CSGALNACT1: variants seen among roughly 807,000 people sequenced by gnomAD.
CSGALNACT1 encodes the protein beta4GalNAcT-1.
A neutral mutation model predicts 51.0 loss-of-function variants in CSGALNACT1; 52 were observed. The ratio of observed to expected loss-of-function variants is 1.02; its 90% confidence interval spans 0.82 to 1.29. CSGALNACT1 has a LOEUF of 1.29. Ranked by LOEUF, CSGALNACT1 falls within the 50% of genes most tolerant of loss-of-function variation. CSGALNACT1 has a pLI of 0.00. For synonymous variants in CSGALNACT1, 341 were observed against 254.4 expected (o/e 1.34, Z -3.24); for missense variants, 935 against 679.2 (o/e 1.38, Z -4.19).
At chr8:19,478,369 G>A (rs569964916) in intron 4 of CSGALNACT1, among the ~76,000 whole-genome samples, 8 of 133,246 alleles carry the variant, frequency 6.0e-5, no homozygotes, top group South Asian at 2.4e-4. Flanking sequence ...AGCCGAGATC[G>A]CACCACTGCA....
chr8:19,476,819 G>T (rs1451187414), intron 4 of CSGALNACT1, among the ~76,000 whole-genome samples: 1 of 152,186 alleles, frequency 6.6e-6, no homozygotes, highest in Non-Finnish European at 1.5e-5. Flanking sequence ...TGTCACAGCA[G>T]TCCAGATGCC....
At chr8:19,468,343 C>T (rs557408979) in intron 4 of CSGALNACT1, among the ~76,000 whole-genome samples, 28 of 152,236 alleles carry the variant, frequency 1.8e-4, no homozygotes, top group Admixed American at 8.5e-4. Flanking sequence ...CAGGCAGACA[C>T]GAATGGGGGG....
chr8:19,408,913 C>T (rs185628860), intron 8 of CSGALNACT1, among the ~76,000 whole-genome samples: 1 of 144,482 alleles, frequency 6.9e-6, no homozygotes, highest in Non-Finnish European at 1.5e-5. Context: ...ATTTTTGGCA[C>T]CTCTGGCTGG....
intron 3 of CSGALNACT1, among the ~76,000 whole-genome samples, chr8:19,537,015 C>T (rs1424694852): frequency 2.0e-5 from 3 of 152,276 alleles, no homozygotes; most frequent in Admixed American, 1.3e-4. Flanking sequence ...AAACTGATCT[C>T]CTCTTGGCCA....
intron 1 of CSGALNACT1, among the ~76,000 whole-genome samples, chr8:19,613,406 C>G (rs1207862630): frequency 6.6e-6 from 1 of 152,222 alleles, no homozygotes; most frequent in Non-Finnish European, 1.5e-5. Context: ...CCTTTATCAT[C>G]GCACAGACCG....
rs182294992 is a variant in CSGALNACT1 at position 19,432,953 on chromosome 8, C to A, written c.953+6877G>T. Among the ~76,000 whole-genome samples, 1,379 of 151,882 alleles carry A rather than the reference C, an allele frequency of 9.1e-3. 30 individuals are homozygous for A. The highest frequency in any genetic ancestry group is 0.032 in the African/African-American group (1,319 of 41,414). ...TTCTTTAAGGACAAGTTCTAATGAC[C>A]GATTTTTTTTTTCTCGTGCATGAGC... On this transcript the variant is annotated intron_variant, in intron 6 of 9. Coordinates refer to ENST00000454498, the Ensembl canonical transcript of CSGALNACT1.
At chr8:19,531,390 G>A (rs527632637) in intron 3 of CSGALNACT1, among the ~76,000 whole-genome samples, 1 of 152,336 alleles carries the variant, frequency 6.6e-6, no homozygotes, top group South Asian at 2.1e-4. Flanking sequence ...GACTGCTAAA[G>A]AAATTGCAGG....
chr8:19,460,093 C>T (rs1326046777), intron 4 of CSGALNACT1, among the ~76,000 whole-genome samples: 4 of 151,960 alleles, frequency 2.6e-5, no homozygotes, highest in Non-Finnish European at 5.9e-5. Context: ...TCTCTACAGT[C>T]AGGAAACACA....
At chr8:19,709,800 T>C (rs1030303310) in intron 1 of CSGALNACT1, among the ~76,000 whole-genome samples, 9 of 152,120 alleles carry the variant, frequency 5.9e-5, no homozygotes, top group African/African-American at 2.2e-4. Flanking sequence ...GTATGTCTAA[T>C]GCACAGCGCA....
At chr8:19,417,838 T>A (rs2057181690) in intron 8 of CSGALNACT1, among the ~76,000 whole-genome samples, 1 of 152,174 alleles carries the variant, frequency 6.6e-6, no homozygotes, top group South Asian at 2.1e-4. Flanking sequence ...TCTCTGCCAA[T>A]GCTGTCAACA....
chr8:19,737,262 A>G (rs538998549), intron 1 of CSGALNACT1, among the ~76,000 whole-genome samples: 7 of 152,240 alleles, frequency 4.6e-5, no homozygotes, highest in African/African-American at 1.7e-4. Flanking sequence ...CGGGAAGTAT[A>G]TATCTCCCAG....
At chr8:19,519,630 G>A (rs905105053) in intron 3 of CSGALNACT1, among the ~76,000 whole-genome samples, 1 of 152,176 alleles carries the variant, frequency 6.6e-6, no homozygotes, top group African/African-American at 2.4e-5. Flanking sequence ...ATCCGAAGGC[G>A]AGAGTTGGAG....
chr8:19,515,771 G>C (rs1158835234), intron 3 of CSGALNACT1, among the ~76,000 whole-genome samples: 3 of 152,082 alleles, frequency 2.0e-5, no homozygotes, highest in Non-Finnish European at 4.4e-5. Flanking sequence ...GAGGAGGCTT[G>C]ATGGAGAGGG....
chr8:19,652,339 A>G (rs1450480436), intron 1 of CSGALNACT1, among the ~76,000 whole-genome samples: 1 of 152,192 alleles, frequency 6.6e-6, no homozygotes, highest in Non-Finnish European at 1.5e-5. Flanking sequence ...GACCAAGATC[A>G]AGGAGGGGGA....
At chr8:19,439,480 C>T (rs915823999) in intron 6 of CSGALNACT1, among the ~76,000 whole-genome samples, 2 of 152,208 alleles carry the variant, frequency 1.3e-5, no homozygotes, top group Non-Finnish European at 2.9e-5. Context: ...TGTGCTCTCC[C>T]TAATTCCTAC....
chr8:19,615,432 T>G (rs973833967), intron 1 of CSGALNACT1, among the ~76,000 whole-genome samples: 4 of 152,224 alleles, frequency 2.6e-5, no homozygotes, highest in African/African-American at 9.6e-5. Flanking sequence ...GAGATTAACT[T>G]CAGAGCTACT....
At chr8:19,537,086 G>T (rs192072437) in intron 3 of CSGALNACT1, among the ~76,000 whole-genome samples, 335 of 152,312 alleles carry the variant, frequency 2.2e-3, no homozygotes, top group Non-Finnish European at 4.0e-3. Flanking sequence ...AGGGAGGTCA[G>T]ACACACCTCA....
At chr8:19,432,434 G>C (rs1171873170) in intron 6 of CSGALNACT1, among the ~76,000 whole-genome samples, 1 of 152,064 alleles carries the variant, frequency 6.6e-6, no homozygotes, top group Non-Finnish European at 1.5e-5. Context: ...ATTCTATTTG[G>C]AGTTAAGATT....
chr8:19,565,384 C>T (rs1315890074), intron 3 of CSGALNACT1, among the ~76,000 whole-genome samples: 1 of 152,130 alleles, frequency 6.6e-6, no homozygotes, highest in African/African-American at 2.4e-5. Context: ...ACTTGGCAGA[C>T]TACAAAACTA....
Sources: gnomAD v4.1 joint callset for allele counts (sites outside exome capture counted in the v4.1 genomes callset) on GRCh38, gnomAD v4.1.1 for gene constraint, MANE v1.5 for transcripts, NCBI Gene and HGNC (gene_info 2026-07-23, HGNC 2026-07-21) for gene names.